Variants in LMAN1 observed in about 807,000 individuals in gnomAD.
LMAN1 encodes protein ERGIC-53.
A neutral mutation model predicts 67.8 loss-of-function variants in LMAN1; 32 were observed. The observed-to-expected ratio is 0.47, with a 90% CI of 0.36 to 0.63. LMAN1 has a LOEUF of 0.63. Among genes scored for constraint, LMAN1 ranks in the 30% least tolerant of loss-of-function variants. The pLI is 0.00. For missense variants in LMAN1, 632 were observed against 628.2 expected (o/e 1.01, Z -0.06); for synonymous variants, 235 against 219.3 (o/e 1.07, Z -0.63).
At chr18:59,338,669 T>C (rs772039878) in intron 9 of LMAN1, 42 bp from the exon 10 acceptor site, 2 of 1,605,318 alleles carry the variant, frequency 1.2e-6, no homozygotes, top group Admixed American at 3.3e-5. Context: ...ATAATCCACA[T>C]TCTATGAGCA....
chr18:59,331,641 A>G lies in LMAN1; in HGVS notation c.1375-102T>C, dbSNP rs1335671877. Reference sequence around the variant, plus strand: ...AAAACTGTTTGCTATATAAACAAGTATTTTCATTTTTTCATCCCCCAGAAA... The same window carrying G: ...AAAACTGTTTGCTATATAAACAAGTGTTTTCATTTTTTCATCCCCCAGAAA... On this transcript the variant is annotated intron_variant, in intron 11 of 12. Transcript: ENST00000251047. 4 of 1,341,770 alleles carry G rather than the reference A, an allele frequency of 3.0e-6. No homozygotes were observed. The African/African-American group carries it at 4.4e-5, about 15-fold the overall frequency. 83.1% of individuals were successfully genotyped at this position (1,341,770 alleles called of 1,614,324 possible). A position where few individuals can be genotyped will look rare whatever the true frequency, so the allele number is the denominator to read the frequency against.
intron 1 of LMAN1, among the ~76,000 whole-genome samples, chr18:59,357,782 A>T (rs1908692491): frequency 6.6e-6 from 1 of 152,164 alleles, no homozygotes; most frequent in Admixed American, 6.5e-5. Flanking sequence ...AGAACTGGAT[A>T]ATCTAAAGTG....
chr18:59,351,991 G>A (rs2144229375), intron 5 of LMAN1, among the ~76,000 whole-genome samples: 1 of 152,304 alleles, frequency 6.6e-6, no homozygotes, highest in South Asian at 2.1e-4. Context: ...TTAGACCCAG[G>A]AGTGTAAGTC....
chr18:59,359,265 G>A lies in LMAN1; in HGVS notation c.-21C>T. ...GCCATCTTGGATTCTGGAACGCGGA[G>A]GAGGGCGGGAGAGGGAGGGGCGCGG... On this transcript the variant is annotated 5_prime_UTR_variant, in exon 1 of 13. Transcript: ENST00000251047. The A allele has an allele frequency of 6.2e-7, 1 of 1,612,000 alleles. No individual in the cohort carries two copies. The highest frequency in any genetic ancestry group is 1.3e-5 in the African/African-American group (1 of 75,024).
chr18:59,353,550 G>A (rs922247311), intron 4 of LMAN1, among the ~76,000 whole-genome samples: 2 of 152,068 alleles, frequency 1.3e-5, no homozygotes, highest in Non-Finnish European at 2.9e-5. Context: ...ATCAAAAGGA[G>A]GTGGCCTAGG....
At chr18:59,340,193 G>A (rs1036317882) in intron 8 of LMAN1, among the ~76,000 whole-genome samples, 28 of 152,146 alleles carry the variant, frequency 1.8e-4, no homozygotes, top group African/African-American at 6.5e-4. Flanking sequence ...TATGGCTGCA[G>A]TTGTTGTCTG....
At chr18:59,347,656 G>A in intron 6 of LMAN1, 85 bp from the exon 7 acceptor site, 2 of 1,013,510 alleles carry the variant, frequency 2.0e-6, no homozygotes, top group East Asian at 2.7e-5. Context: ...AATATTTATT[G>A]TTTTAAATAA....
chr18:59,348,300 T>C (rs902545221), intron 6 of LMAN1, among the ~76,000 whole-genome samples: 1 of 152,190 alleles, frequency 6.6e-6, no homozygotes, highest in Non-Finnish European at 1.5e-5. Flanking sequence ...GTAGACAGAT[T>C]AAAAAGAAAA....
chr18:59,340,356 T>G (rs888449153), intron 8 of LMAN1, among the ~76,000 whole-genome samples: 1 of 152,108 alleles, frequency 6.6e-6, no homozygotes, highest in African/African-American at 2.4e-5. Context: ...ATGTCTAAAG[T>G]CAATGTGAAA....
chr18:59,339,016 G>T (rs1041089706), intron 8 of LMAN1, 63 bp from the exon 9 acceptor site: 1 of 1,443,744 alleles, frequency 6.9e-7, no homozygotes, highest in Non-Finnish European at 9.6e-7. Flanking sequence ...TTGAAATAAC[G>T]TAAGTGACCA....
chr18:59,338,807 C>G lies in LMAN1; in HGVS notation c.1102G>C (p.Glu368Gln). ...EQRRYVSSLT[E>Q]EISKRGAGMP... Reference sequence around the variant, plus strand: ...CCTGCTCCTCTTTTAGAGATTTCCTCTGTTAAGGAAGAGACATATCTTCTC... The same window carrying G: ...CCTGCTCCTCTTTTAGAGATTTCCTGTGTTAAGGAAGAGACATATCTTCTC... Residue 368 changes from glutamate to glutamine, a missense_variant, in exon 9 of 13, where the codon GAG becomes CAG. By Grantham distance (29) the Glu-to-Gln change is conservative. Coordinates refer to ENST00000251047, the MANE Select transcript of LMAN1 (RefSeq NM_005570.4). 1 of 1,614,110 alleles carries G rather than the reference C, an allele frequency of 6.2e-7. No homozygotes were observed. The highest frequency in any genetic ancestry group is 8.5e-7 in the Non-Finnish European group (1 of 1,180,016).
chr18:59,331,205 T>C, intron 12 of LMAN1, 76 bp from the exon 13 acceptor site: 2 of 1,293,522 alleles, frequency 1.5e-6, no homozygotes, highest in Non-Finnish European at 2.2e-6. Context: ...CTATTTAAAA[T>C]TAAAATATCA....
chr18:59,331,244 G>A, intron 12 of LMAN1, 115 bp from the exon 13 acceptor site: 1 of 1,072,738 alleles, frequency 9.3e-7, no homozygotes. Context: ...AACGCATTAA[G>A]ATAAACATAT....
chr18:59,347,812 T>C (rs1908453335), intron 6 of LMAN1, among the ~76,000 whole-genome samples: 1 of 152,212 alleles, frequency 6.6e-6, no homozygotes, highest in Non-Finnish European at 1.5e-5. Context: ...AATCAGAATA[T>C]TTAGCAGTGT....
chr18:59,339,107 T>C (rs1012047250), intron 8 of LMAN1, among the ~76,000 whole-genome samples, 154 bp from the exon 9 acceptor site: 1 of 152,212 alleles, frequency 6.6e-6, no homozygotes, highest in Non-Finnish European at 1.5e-5. Context: ...AAATAATTAA[T>C]TCAATAATGA....
intron 5 of LMAN1, among the ~76,000 whole-genome samples, chr18:59,350,615 C>T (rs1412378741): frequency 6.6e-6 from 1 of 152,084 alleles, no homozygotes; most frequent in African/African-American, 2.4e-5. Flanking sequence ...CTGCCTCAGC[C>T]TCCCGAGTAG....
chr18:59,335,735 G>C (rs1048566362), intron 10 of LMAN1, among the ~76,000 whole-genome samples: 1 of 152,132 alleles, frequency 6.6e-6, no homozygotes, highest in Non-Finnish European at 1.5e-5. Flanking sequence ...AGTAATATCA[G>C]CCATAATGAA....
intron 10 of LMAN1, among the ~76,000 whole-genome samples, chr18:59,337,198 A>G (rs34520356): frequency 0.085 from 12,676 of 148,940 alleles, 619 homozygotes; most frequent in Middle Eastern, 0.15. Context: ...ATATTATAAT[A>G]TATAATATCT....
rs774255438 is a variant in LMAN1, at chr18:59,333,182, C to T, written c.1283G>A (p.Gly428Asp). ...SGMQHPGSAG[G>D]VYETTQHFID... ...GAAGTGCTGTGTTGTCTCATAGACG[C>T]CTCCAGCAGAGCCAGGGTGCTGCAT... The change falls in exon 11 of 13, where the codon GGC (glycine) becomes GAC (aspartate). Residue 428 changes from glycine to aspartate, a missense_variant. Gly to Asp is a moderately conservative substitution (Grantham distance 94, BLOSUM62 -1). Transcript: ENST00000251047. The T allele has an allele frequency of 1.9e-6, 3 of 1,613,530 alleles. No homozygotes were observed. The highest frequency in any genetic ancestry group is 1.6e-4 in the Middle Eastern group (1 of 6,062).
Sources: allele counts gnomAD v4.1 joint callset (sites outside exome capture counted in the v4.1 genomes callset), GRCh38; gene constraint gnomAD v4.1.1; transcripts MANE v1.5; gene names NCBI Gene and HGNC (gene_info 2026-07-23, HGNC 2026-07-21).